The following ADGRB2 variants were observed in gnomAD, a reference collection of about 807,000 sequenced individuals.
ADGRB2 encodes the protein adhesion G protein-coupled receptor B2.
In ADGRB2, 47 loss-of-function variants were observed where a neutral mutation model predicts 178.7. That is an observed-to-expected ratio of 0.26 (90% CI 0.21 to 0.34). The LOEUF (loss-of-function observed/expected upper bound fraction) is 0.34, where lower values mean the gene tolerates loss of function less well. Among genes scored for constraint, ADGRB2 ranks in the 10% least tolerant of loss-of-function variants. ADGRB2 has a pLI of 1.00. For missense variants in ADGRB2, 1,584 were observed against 2,180.8 expected (o/e 0.73, Z 5.45); for synonymous variants, 870 against 912.4 (o/e 0.95, Z 0.84).
Position 31,756,495 on chromosome 1 carries a change from G to GGGGCTA in ADGRB2, c.336_341dup (p.Ser113_Pro114dup). ...ACTCCGCCTGGGCCACCGCCTCCTC[G>GGGGCTA]GGGCTAGGCCGCAGGCAGGTAAAGT... On this transcript the variant is annotated inframe_insertion, in exon 4 of 33. Transcript: ENST00000373658. This position sits in a 1 kb window ranked among gnomAD's most constrained non-coding sequence, Gnocchi z 8.5. The GGGGCTA allele has an allele frequency of 6.2e-7, 1 of 1,612,436 alleles. No individual in the cohort carries two copies. The highest frequency in any genetic ancestry group is 8.5e-7 in the Non-Finnish European group (1 of 1,179,230).
rs551092717 is a variant in ADGRB2, at chr1:31,758,854, T to C, written c.-190-1343A>G. The C allele has an allele frequency of 5.6e-6, 1 of 177,530 alleles. No individual in the cohort carries two copies. The highest frequency in any genetic ancestry group is 2.4e-5 in the African/African-American group (1 of 42,468). 11.0% of individuals were successfully genotyped at this position (177,530 alleles called of 1,614,324 possible). On this transcript the variant is annotated intron_variant, in intron 1 of 32. Transcript: ENST00000373658. The surrounding 1 kb of genome is among the most constrained non-coding windows in gnomAD (Gnocchi z 4.2). Reference sequence around the variant, plus strand: ...CCCTGGTCTTTCCCACCCTACATCATGCCTGTCCCACACTGCTCAGCTCGC... The same window carrying C: ...CCCTGGTCTTTCCCACCCTACATCACGCCTGTCCCACACTGCTCAGCTCGC...
Position 31,732,753 on chromosome 1 carries a change from G to A in ADGRB2, c.3625-141C>T. 6 of 1,146,666 alleles carry A rather than the reference G, an allele frequency of 5.2e-6. No homozygotes were observed. In the South Asian group the frequency reaches 8.4e-5, roughly 16 times the overall value. 71.0% of individuals were successfully genotyped at this position (1,146,666 alleles called of 1,614,324 possible). The stretch of plus-strand genomic sequence containing the variant: ...ACCTTGGGGAAGGTGATGACACCTG[G>A]GCAGGGTGCAACGGGAGGAGGAGAC... On this transcript the variant is annotated intron_variant, in intron 26 of 32. Transcript: ENST00000373658.
chr1:31,741,310 T>G lies in ADGRB2; in HGVS notation c.1794+63A>C. ...GGGAACGAGCGAGAATCACGCTCCC[T>G]CCACCCCCTAGCAGAGTCTGAGACA... On this transcript the variant is annotated intron_variant, in intron 11 of 32. Coordinates refer to ENST00000373658, the MANE Select transcript of ADGRB2 (RefSeq NM_001364857.2). This position sits in a 1 kb window ranked among gnomAD's most constrained non-coding sequence, Gnocchi z 6.5. The G allele has an allele frequency of 6.7e-7, 1 of 1,493,164 alleles. No homozygotes were observed. Among genetic ancestry groups the G allele is most frequent in the Non-Finnish European group, 9.1e-7 (1 of 1,095,014 alleles). The allele number at this position is 1,493,164 out of a possible 1,614,324, so 92.5% of individuals were successfully genotyped here. A position where few individuals can be genotyped will look rare whatever the true frequency, so the allele number is the denominator to read the frequency against.
chr1:31,731,559 T>C, intron 28 of ADGRB2, 140 bp from the exon 29 acceptor site: 1 of 1,058,128 alleles, frequency 9.5e-7, no homozygotes, highest in Non-Finnish European at 1.3e-6. Flanking sequence ...GCTGGGTGGT[T>C]GGTAATCTCT....
chr1:31,762,840 G>A (rs1045880667), intron 1 of ADGRB2, among the ~76,000 whole-genome samples: 2 of 152,186 alleles, frequency 1.3e-5, no homozygotes, highest in Non-Finnish European at 2.9e-5. Context: ...AGGACGCCCA[G>A]GAGCCCGGCC....
chr1:31,762,636 A>G lies in ADGRB2; in HGVS notation c.-191+1248T>C, dbSNP rs373975935. Among the ~76,000 whole-genome samples the G allele has an allele frequency of 1.3e-3, 193 of 146,128 alleles. 1 individual carries two copies. Among genetic ancestry groups the G allele is most frequent in the East Asian group, 9.4e-3 (44 of 4,692 alleles). On this transcript the variant is annotated intron_variant, in intron 1 of 32. Transcript: ENST00000373658. ...CCCCAACCCATCCCACCCCCAGAACATATGGCCTGACAACCAGGAGTGTTT... is the reference window on the plus strand; with the variant it reads ...CCCCAACCCATCCCACCCCCAGAACGTATGGCCTGACAACCAGGAGTGTTT...
At position 31,731,247 on chromosome 1, in the gene ADGRB2, C is replaced by T. The variant is rs753631735; in HGVS notation, c.3933G>A (p.Gly1311=). The T allele has an allele frequency of 1.2e-6, 2 of 1,608,396 alleles. No homozygotes were observed. Among genetic ancestry groups the T allele is most frequent in the African/African-American group, 1.3e-5 (1 of 74,954 alleles). ...NILVPMAASP[G]LGEPPPPQEA... ...CCTGTGGGGGCGGAGGCTCCCCCAGCCCTGGTGAGGCTGCCATGGGCACCA... is the reference window on the plus strand; with the variant it reads ...CCTGTGGGGGCGGAGGCTCCCCCAGTCCTGGTGAGGCTGCCATGGGCACCA... The change falls in exon 29 of 33, where the codon GGG becomes GGA. Residue 1311 remains glycine, a synonymous_variant. Coordinates refer to ENST00000373658, the MANE Select transcript of ADGRB2 (RefSeq NM_001364857.2).
In ADGRB2 at chr1:31,757,485, G is replaced by A. The variant is rs775527447; in HGVS notation, c.-164C>T. On this transcript the variant is annotated 5_prime_UTR_variant, in exon 2 of 33. It adds an upstream start codon to the 5' untranslated region. Coordinates refer to ENST00000373658, the MANE Select transcript of ADGRB2 (RefSeq NM_001364857.2). ...ACAGGAGGGCACTGTCAGTGTGGAC[G>A]TCACATGTATCACTGCTGTGGATTT... The A allele has an allele frequency of 1.3e-5, 7 of 532,340 alleles. No homozygotes were observed. Among genetic ancestry groups the A allele is most frequent in the African/African-American group, 5.7e-5 (3 of 52,644 alleles). The allele number at this position is 532,340 out of a possible 1,614,324, so 33.0% of individuals were successfully genotyped here.
chr1:31,748,804 T>C (rs1646410253), intron 4 of ADGRB2, among the ~76,000 whole-genome samples: 1 of 152,000 alleles, frequency 6.6e-6, no homozygotes, highest in South Asian at 2.1e-4. Flanking sequence ...CTGTTCTGAA[T>C]AAGGCAACGT....
chr1:31,762,235 T>A (rs1647060941), intron 1 of ADGRB2, among the ~76,000 whole-genome samples: 1 of 151,924 alleles, frequency 6.6e-6, no homozygotes, highest in Admixed American at 6.6e-5. Context: ...GAGGGGAAGA[T>A]CTCTTCTCTC....
chr1:31,762,475 G>C (rs1159057424), intron 1 of ADGRB2, among the ~76,000 whole-genome samples: 1 of 152,184 alleles, frequency 6.6e-6, no homozygotes, highest in African/African-American at 2.4e-5. Flanking sequence ...CCATGGGGTA[G>C]AGGCTCTCTG....
chr1:31,736,942 G>A (rs1645643134), intron 20 of ADGRB2, among the ~76,000 whole-genome samples: 2 of 152,306 alleles, frequency 1.3e-5, no homozygotes, highest in South Asian at 4.1e-4. Context: ...GAGGCGGGTG[G>A]GCAGGCTGCC....
At chr1:31,763,074 G>A (rs1400982144) in intron 1 of ADGRB2, among the ~76,000 whole-genome samples, 2 of 152,240 alleles carry the variant, frequency 1.3e-5, no homozygotes, top group Non-Finnish European at 1.5e-5. Flanking sequence ...TGCGTCTGGT[G>A]CCCAGCTCTA....
rs1477020586 is a variant in ADGRB2 at position 31,757,407 on chromosome 1, G to A, written c.-86C>T. 1.3e-6 allele frequency: 1 copy of A among 784,546 alleles called. No homozygotes were observed. The highest frequency in any genetic ancestry group is 2.1e-6 in the Non-Finnish European group (1 of 476,516). The allele number at this position is 784,546 out of a possible 1,614,324, so 48.6% of individuals were successfully genotyped here. A position where few individuals can be genotyped will look rare whatever the true frequency, so the allele number is the denominator to read the frequency against. The stretch of plus-strand genomic sequence containing the variant: ...TTGCTTTACTGAGAGGGAGAGAAAG[G>A]GGCGGAGTTACAGCCAGTGTGCCAG... On this transcript the variant is annotated 5_prime_UTR_variant, in exon 2 of 33. Transcript: ENST00000373658.
At position 31,727,300 on chromosome 1, in the gene ADGRB2, G is replaced by A. The variant is rs932835804; in HGVS notation, c.*120C>T. On this transcript the variant is annotated 3_prime_UTR_variant, in exon 33 of 33. Transcript: ENST00000373658. This position sits in a 1 kb window ranked among gnomAD's most constrained non-coding sequence, Gnocchi z 4.4. Reference sequence around the variant, plus strand: ...CCCCCAGCCTGGCTGAGTCCACGGCGCCTCCCTGCCCAGCCCTCGGGAGAG... The same window carrying A: ...CCCCCAGCCTGGCTGAGTCCACGGCACCTCCCTGCCCAGCCCTCGGGAGAG... 1.9e-5 allele frequency: 24 copies of A among 1,271,796 alleles called. No homozygotes were observed. The highest frequency in any genetic ancestry group is 2.2e-5 in the Non-Finnish European group (21 of 961,378). The allele number at this position is 1,271,796 out of a possible 1,614,324, so 78.8% of individuals were successfully genotyped here. A position where few individuals can be genotyped will look rare whatever the true frequency, so the allele number is the denominator to read the frequency against.
At chr1:31,729,901 A>G (rs1192087891) in intron 29 of ADGRB2, among the ~76,000 whole-genome samples, 1 of 152,250 alleles carries the variant, frequency 6.6e-6, no homozygotes. Context: ...CAGGCACCAA[A>G]TGTTCCAGAA....
At position 31,761,178 on chromosome 1, in the gene ADGRB2, G is replaced by A. The variant is rs1354839354; in HGVS notation, c.-191+2706C>T. On this transcript the variant is annotated intron_variant, in intron 1 of 32. Coordinates refer to ENST00000373658, the MANE Select transcript of ADGRB2 (RefSeq NM_001364857.2). This position sits in a 1 kb window ranked among gnomAD's most constrained non-coding sequence, Gnocchi z 4.2. ...TGCCGGGGCAGGCGGGTGATGAGGA[G>A]GCTGCCACTCCCCGGTGGGACCCAG... Among the ~76,000 whole-genome samples the A allele has an allele frequency of 1.3e-5, 2 of 152,188 alleles. No individual in the cohort carries two copies. The highest frequency in any genetic ancestry group is 4.8e-5 in the African/African-American group (2 of 41,446).
intron 25 of ADGRB2, among the ~76,000 whole-genome samples, chr1:31,734,835 A>T (rs1645485396): frequency 6.6e-6 from 1 of 152,104 alleles, no homozygotes; most frequent in Non-Finnish European, 1.5e-5. Context: ...TATCATTCTA[A>T]TTCTAAGGTT....
chr1:31,740,337 T>C lies in ADGRB2; in HGVS notation c.1989+10A>G. On this transcript the variant is annotated intron_variant, in intron 12 of 32. Coordinates refer to ENST00000373658, the MANE Select transcript of ADGRB2 (RefSeq NM_001364857.2). The surrounding 1 kb of genome is among the most constrained non-coding windows in gnomAD (Gnocchi z 5.9). ...CTCCACCCTCCGCCCTCCTTCCTCC[T>C]AGGCAGTACCTGCACATCATCAGCC... 1 of 1,609,846 alleles carries C rather than the reference T, an allele frequency of 6.2e-7. No homozygotes were observed. Among genetic ancestry groups the C allele is most frequent in the Non-Finnish European group, 8.5e-7 (1 of 1,177,272 alleles).
Sources: allele counts gnomAD v4.1 joint callset (sites outside exome capture counted in the v4.1 genomes callset), GRCh38; gene constraint gnomAD v4.1.1; non-coding constraint Gnocchi (gnomAD v3.1); transcripts MANE v1.5; gene names NCBI Gene and HGNC (gene_info 2026-07-23, HGNC 2026-07-21).